The following ARHGAP24 variants were observed in gnomAD, a reference collection of about 807,000 sequenced individuals.
The protein encoded by ARHGAP24 is Rho GTPase activating protein 24.
In ARHGAP24, 50 loss-of-function variants were observed where a neutral mutation model predicts 76.4. The ratio of observed to expected loss-of-function variants is 0.65; its 90% CI spans 0.52 to 0.83. The LOEUF (loss-of-function observed/expected upper bound fraction) is 0.83, where lower values mean the gene tolerates loss of function less well. ARHGAP24 is among the 40% of genes least tolerant of loss of function. The pLI, the probability that ARHGAP24 is intolerant of heterozygous loss-of-function variation, is 0.00. For missense variants in ARHGAP24, 930 were observed against 914.2 expected (o/e 1.02, Z -0.22); for synonymous variants, 345 against 323.3 (o/e 1.07, Z -0.72).
At chr4:85,475,779 T>TTGTG (rs370882670) in intron 1 of ARHGAP24, among the ~76,000 whole-genome samples, 1 of 147,518 alleles carries the variant, frequency 6.8e-6, no homozygotes, top group African/African-American at 2.6e-5. Context: ...CTGTCTGTGT[T>TTGTG]TGTGTGTGTG....
chr4:85,902,754 C>T (rs1261605654), intron 3 of ARHGAP24, among the ~76,000 whole-genome samples: 1 of 152,162 alleles, frequency 6.6e-6, no homozygotes, highest in Non-Finnish European at 1.5e-5. Context: ...CAGGTGCCCG[C>T]CACTGCGCTC....
intron 3 of ARHGAP24, among the ~76,000 whole-genome samples, chr4:85,761,723 C>A (rs1221811961): frequency 6.6e-6 from 1 of 152,072 alleles, no homozygotes; most frequent in Non-Finnish European, 1.5e-5. Flanking sequence ...ATACGTTTTC[C>A]GTGAGATGTA....
At chr4:85,630,599 G>A (rs923321795) in intron 2 of ARHGAP24, among the ~76,000 whole-genome samples, 2 of 152,180 alleles carry the variant, frequency 1.3e-5, no homozygotes, top group African/African-American at 4.8e-5. Context: ...GGCTGGCATG[G>A]AGCCTAGGTC....
At chr4:85,771,063 A>G (rs1303438342) in intron 3 of ARHGAP24, among the ~76,000 whole-genome samples, 4 of 152,228 alleles carry the variant, frequency 2.6e-5, no homozygotes, top group South Asian at 2.1e-4. Flanking sequence ...TTTCATAGCC[A>G]TGGTGTTTGC....
intron 3 of ARHGAP24, among the ~76,000 whole-genome samples, chr4:85,749,159 A>G (rs1726160125): frequency 6.6e-6 from 1 of 152,194 alleles, no homozygotes; most frequent in African/African-American, 2.4e-5. Flanking sequence ...AAGACACACA[A>G]ATCTAATATG....
rs186627392 is a variant in ARHGAP24, at chr4:85,500,842, T to A, written c.-21+25283T>A. On this transcript the variant is annotated intron_variant, in intron 1 of 9. Transcript: ENST00000395184. Reference sequence around the variant, plus strand: ...TCCACTCGTCATTTACATTAGGTATTTCTCCTAACGCTGTTCCTCCCCCAG... The same window carrying A: ...TCCACTCGTCATTTACATTAGGTATATCTCCTAACGCTGTTCCTCCCCCAG... Among the ~76,000 whole-genome samples the A allele has an allele frequency of 1.1e-3, 161 of 152,220 alleles. 2 individuals carry two copies. The highest frequency in any genetic ancestry group is 5.2e-3 in the South Asian group (25 of 4,818).
chr4:85,640,596 C>G (rs1184641935), intron 2 of ARHGAP24, among the ~76,000 whole-genome samples: 1 of 152,174 alleles, frequency 6.6e-6, no homozygotes, highest in Non-Finnish European at 1.5e-5. Flanking sequence ...TATTGAAACT[C>G]TACCAGGTCT....
rs1032715887 is a variant in ARHGAP24, at chr4:85,812,018, A to T, written c.268+90046A>T. Among the ~76,000 whole-genome samples, 10 of 152,240 alleles carry T rather than the reference A, an allele frequency of 6.6e-5. 1 individual carries two copies. The highest frequency in any genetic ancestry group is 6.5e-5 in the Admixed American group (1 of 15,292). ...TGGTGAAACCCCGTCTCTACTAAAA[A>T]TACAAAAATTAGCCAGGCATGGTGG... On this transcript the variant is annotated intron_variant, in intron 3 of 9. Transcript: ENST00000395184.
intron 2 of ARHGAP24, among the ~76,000 whole-genome samples, chr4:85,676,319 G>C (rs1264448581): frequency 6.6e-6 from 1 of 152,174 alleles, no homozygotes; most frequent in Non-Finnish European, 1.5e-5. Context: ...AATTAATGCT[G>C]ACATTTTTCT....
rs530421138 is a variant in ARHGAP24 at position 85,672,332 on chromosome 4, C to G, written c.181-49553C>G. Among the ~76,000 whole-genome samples, 31 of 152,296 alleles carry G rather than the reference C, an allele frequency of 2.0e-4. No homozygotes were observed. In the South Asian group the frequency reaches 6.2e-3, roughly 31 times the overall value. On this transcript the variant is annotated intron_variant, in intron 2 of 9. Transcript: ENST00000395184. The stretch of plus-strand genomic sequence containing the variant: ...TTTGAAATACTTTTAACTTCTGTTT[C>G]CTTTTAGTCTAGCTTTCCTTTGGGA...
intron 3 of ARHGAP24, among the ~76,000 whole-genome samples, chr4:85,854,237 A>T (rs949605948): frequency 6.6e-6 from 1 of 152,176 alleles, no homozygotes; most frequent in East Asian, 1.9e-4. Context: ...AAAATGTAAT[A>T]ATCAGCATTT....
chr4:85,586,031 T>G (rs946396645), intron 2 of ARHGAP24, among the ~76,000 whole-genome samples: 2 of 152,230 alleles, frequency 1.3e-5, no homozygotes, highest in African/African-American at 4.8e-5. Context: ...TTAACTATTT[T>G]TCTCCATTCT....
At chr4:85,574,454 C>T (rs1727290691) in intron 2 of ARHGAP24, among the ~76,000 whole-genome samples, 2 of 152,048 alleles carry the variant, frequency 1.3e-5, no homozygotes, top group South Asian at 4.1e-4. Flanking sequence ...GTGAGTTTTC[C>T]AGGTAGATAA....
intron 1 of ARHGAP24, among the ~76,000 whole-genome samples, chr4:85,504,110 A>G (rs1397699258): frequency 1.3e-5 from 2 of 152,170 alleles, no homozygotes; most frequent in African/African-American, 2.4e-5. Context: ...GTTCTTTCAC[A>G]TTTGCTGAGG....
chr4:85,903,710 A>T (rs1231188006), intron 3 of ARHGAP24, among the ~76,000 whole-genome samples: 4 of 152,130 alleles, frequency 2.6e-5, no homozygotes, highest in Non-Finnish European at 4.4e-5. Context: ...GATACACTTG[A>T]TCTGAATTGG....
At chr4:85,649,962 G>T (rs1325787536) in intron 2 of ARHGAP24, among the ~76,000 whole-genome samples, 1 of 152,042 alleles carries the variant, frequency 6.6e-6, no homozygotes, top group East Asian at 1.9e-4. Context: ...GTAGTCATAA[G>T]GTCATACGGG....
At chr4:85,582,139 G>A (rs549839703) in intron 2 of ARHGAP24, among the ~76,000 whole-genome samples, 11 of 152,134 alleles carry the variant, frequency 7.2e-5, no homozygotes, top group African/African-American at 2.4e-4. Context: ...AGATATTTTG[G>A]AAATGAGACA....
intron 3 of ARHGAP24, among the ~76,000 whole-genome samples, chr4:85,860,090 A>C (rs1388471025): frequency 1.3e-5 from 2 of 152,152 alleles, no homozygotes; most frequent in Non-Finnish European, 2.9e-5. Flanking sequence ...CCAGTGAATC[A>C]GAACAATTGA....
At chr4:85,789,578 C>T (rs1340779996) in intron 3 of ARHGAP24, among the ~76,000 whole-genome samples, 1 of 152,122 alleles carries the variant, frequency 6.6e-6, no homozygotes, top group African/African-American at 2.4e-5. Context: ...ACTGAGTTGG[C>T]AGTGAGAGCC....
Sources: allele counts gnomAD v4.1 joint callset (sites outside exome capture counted in the v4.1 genomes callset), GRCh38; gene constraint gnomAD v4.1.1; transcripts MANE v1.5; gene names NCBI Gene and HGNC (gene_info 2026-07-23, HGNC 2026-07-21).